Variants in SAFB observed in about 807,000 individuals in gnomAD.
SAFB encodes scaffold attachment factor B.
Under a neutral mutation model 101.6 loss-of-function variants are expected in SAFB, and 15 were observed. The observed-to-expected ratio is 0.15, with a 90% CI of 0.10 to 0.23. SAFB has a LOEUF of 0.23. Among genes scored for constraint, SAFB ranks in the 10% least tolerant of loss-of-function variants. The probability of loss-of-function intolerance (pLI) is 1.00; values close to 1 mark genes in which losing one functional copy is unlikely to be tolerated. For synonymous variants in SAFB, 449 were observed against 407.5 expected (o/e 1.10, Z -1.23); for missense variants, 930 against 1,104.1 (o/e 0.84, Z 2.23).
At chr19:5,646,870 A>G (rs1490453953) in intron 5 of SAFB, among the ~76,000 whole-genome samples, 1 of 152,168 alleles carries the variant, frequency 6.6e-6, no homozygotes, top group East Asian at 1.9e-4. Flanking sequence ...GCAGACTCAC[A>G]CTCATACACG....
Position 5,655,389 on chromosome 19 carries a change from G to A in SAFB, c.1755+933G>A, listed in dbSNP as rs147527373. Among the ~76,000 whole-genome samples, 425 of 151,316 alleles carry A rather than the reference G, an allele frequency of 2.8e-3. 3 individuals carry two copies. The highest frequency in any genetic ancestry group is 9.6e-3 in the African/African-American group (396 of 41,192). On this transcript the variant is annotated intron_variant, in intron 13 of 20. Coordinates refer to ENST00000588852, the MANE Select transcript of SAFB (RefSeq NM_001201338.2). The stretch of plus-strand genomic sequence containing the variant: ...GGGAGAATGCCACTTAAACCTGGGA[G>A]GTCAAGACTGTAGTGAGCCACGTTC...
chr19:5,638,575 G>T (rs867809201), intron 2 of SAFB, among the ~76,000 whole-genome samples: 1 of 151,746 alleles, frequency 6.6e-6, no homozygotes, highest in South Asian at 2.1e-4. Context: ...CACCCACCTC[G>T]ACCTCCCAAA....
intron 13 of SAFB, among the ~76,000 whole-genome samples, chr19:5,656,608 G>A (rs1034245270): frequency 2.2e-5 from 3 of 133,704 alleles, no homozygotes; most frequent in African/African-American, 8.6e-5. Flanking sequence ...TCAGAGTATC[G>A]CTCTGTCGCC....
intron 2 of SAFB, among the ~76,000 whole-genome samples, chr19:5,636,270 T>C (rs2053593679): frequency 6.6e-6 from 1 of 152,072 alleles, no homozygotes; most frequent in Non-Finnish European, 1.5e-5. Context: ...AGATTTTTCC[T>C]ATTATCTGGA....
At chr19:5,651,858 A>G (rs1207537041) in intron 9 of SAFB, among the ~76,000 whole-genome samples, 2 of 152,210 alleles carry the variant, frequency 1.3e-5, no homozygotes, top group African/African-American at 4.8e-5. Flanking sequence ...TGCAATATAG[A>G]AAACCAAGTG....
Position 5,667,272 on chromosome 19 carries a change from C to T in SAFB, c.2454-75C>T. ...TGGGAAACACAGAGGGATTCACTCT[C>T]CAGAAGCCGCCACAGTTATTAGCAC... On this transcript the variant is annotated intron_variant, in intron 18 of 20. Coordinates refer to ENST00000588852, the MANE Select transcript of SAFB (RefSeq NM_001201338.2). The surrounding 1 kb of genome is among the most constrained non-coding windows in gnomAD (Gnocchi z 4.0). 1.5e-6 allele frequency: 2 copies of T among 1,305,008 alleles called. No individual in the cohort carries two copies. The highest frequency in any genetic ancestry group is 2.8e-5 in the Admixed American group (1 of 35,526). The allele number at this position is 1,305,008 out of a possible 1,614,324, so 80.8% of individuals were successfully genotyped here. A position where few individuals can be genotyped will look rare whatever the true frequency, so the allele number is the denominator to read the frequency against.
rs778663829 is a variant in SAFB, at chr19:5,661,808, G to A, written c.2153G>A (p.Arg718Gln). The A allele has an allele frequency of 1.2e-5, 19 of 1,539,906 alleles. No homozygotes were observed. Among genetic ancestry groups the A allele is most frequent in the Admixed American group, 3.9e-5 (2 of 50,814 alleles). ...GTGCGGCGGCCCTACGACCTGGACC[G>A]GTAAGCAGATCCATGCTGCCCTTAG... ...PAVRRPYDLDRRDDAYWPEAK... is the reference protein window; with the variant it reads ...PAVRRPYDLDQRDDAYWPEAK... Residue 718 changes from arginine to glutamine, a missense_variant and splice_region_variant, in exon 15 of 21, where the codon CGG (arginine) becomes CAG (glutamine). Physicochemically the swap from Arg to Gln is conservative, Grantham distance 43. This residue lies in a region of SAFB where 318 missense variants were observed against 342.6 expected (regional missense o/e 0.93). Coordinates refer to ENST00000588852, the MANE Select transcript of SAFB (RefSeq NM_001201338.2).
intron 2 of SAFB, among the ~76,000 whole-genome samples, chr19:5,626,893 T>A (rs557336623): frequency 6.6e-6 from 1 of 151,688 alleles, no homozygotes; most frequent in African/African-American, 2.4e-5. Flanking sequence ...AAAAAACTTT[T>A]AAAGGCCCGG....
At chr19:5,655,635 C>T (rs1368452709) in intron 13 of SAFB, among the ~76,000 whole-genome samples, 1 of 152,090 alleles carries the variant, frequency 6.6e-6, no homozygotes, top group Non-Finnish European at 1.5e-5. Context: ...ACCTTGGACC[C>T]GCCTGGTCAA....
intron 15 of SAFB, among the ~76,000 whole-genome samples, chr19:5,662,570 C>T (rs2054237997): frequency 6.6e-6 from 1 of 151,822 alleles, no homozygotes; most frequent in African/African-American, 2.4e-5. Flanking sequence ...TGGCACAGAC[C>T]TCCTGAGGAG....
chr19:5,642,651 C>CTTTTTTTT lies in SAFB; in HGVS notation c.546+724_546+731dup, dbSNP rs767488519. The stretch of plus-strand genomic sequence containing the variant: ...GGCATTGGCATTATGCCCTTCCTTT[C>CTTTTTTTT]TTTTTTTTTTTTTTTTTTTTTTTTT... On this transcript the variant is annotated intron_variant, in intron 4 of 20. Coordinates refer to ENST00000588852, the MANE Select transcript of SAFB (RefSeq NM_001201338.2). Among the ~76,000 whole-genome samples, 428 of 70,848 alleles carry CTTTTTTTT rather than the reference C, an allele frequency of 6.0e-3. 71 individuals carry two copies. Among genetic ancestry groups the CTTTTTTTT allele is most frequent in the East Asian group, 0.051 (88 of 1,710 alleles). 46.5% of individuals were successfully genotyped at this position (70,848 alleles called of 152,430 possible).
intron 6 of SAFB, 48 bp downstream of exon 6, chr19:5,648,091 GT>G: frequency 6.9e-7 from 1 of 1,450,288 alleles, no homozygotes; most frequent in Non-Finnish European, 9.6e-7. Flanking sequence ...AACCATTCTA[GT>G]TTTCCACCTT....
chr19:5,631,472 A>G (rs2053488729), intron 2 of SAFB, among the ~76,000 whole-genome samples: 1 of 152,102 alleles, frequency 6.6e-6, no homozygotes, highest in Admixed American at 6.5e-5. Context: ...TTCTTGAATT[A>G]TTTTCAACTA....
chr19:5,649,842 G>C, intron 7 of SAFB, 84 bp from the exon 8 acceptor site: 1 of 1,249,896 alleles, frequency 8.0e-7, no homozygotes, highest in Non-Finnish European at 1.2e-6. Flanking sequence ...GGGTAGGTAT[G>C]CAACCTCAGC....
intron 2 of SAFB, among the ~76,000 whole-genome samples, chr19:5,631,650 C>G (rs1322908064): frequency 6.6e-6 from 1 of 152,104 alleles, no homozygotes; most frequent in Admixed American, 6.5e-5. Flanking sequence ...AGCACTTGGC[C>G]AAAACAGAAT....
intron 4 of SAFB, among the ~76,000 whole-genome samples, chr19:5,642,849 G>C (rs940117474): frequency 6.6e-6 from 1 of 151,716 alleles, no homozygotes; most frequent in Non-Finnish European, 1.5e-5. Context: ...TGTATCTTTA[G>C]TAGAGACGGT....
At chr19:5,662,595 G>T (rs75301272) in intron 15 of SAFB, among the ~76,000 whole-genome samples, 3 of 151,568 alleles carry the variant, frequency 2.0e-5, no homozygotes, top group African/African-American at 7.3e-5. Context: ...GCTCAGGCAC[G>T]TAGAGAGCGC....
chr19:5,667,465 TG>T lies in SAFB; in HGVS notation c.2557+18del. 1 of 1,494,052 alleles carries T rather than the reference TG, an allele frequency of 6.7e-7. No individual in the cohort carries two copies. The highest frequency in any genetic ancestry group is 9.0e-7 in the Non-Finnish European group (1 of 1,115,660). The allele number at this position is 1,494,052 out of a possible 1,614,324, so 92.5% of individuals were successfully genotyped here. The stretch of plus-strand genomic sequence containing the variant: ...GAGGTGGCAAGGTGAGGAGCAGCTC[TG>T]GGCTGGGACCAGGATGTGCTGGGGA... On this transcript the variant is annotated intron_variant, in intron 19 of 20. Coordinates refer to ENST00000588852, the MANE Select transcript of SAFB (RefSeq NM_001201338.2). The surrounding 1 kb of genome is among the most constrained non-coding windows in gnomAD (Gnocchi z 4.0).
chr19:5,645,797 G>T (rs937350684), intron 5 of SAFB, among the ~76,000 whole-genome samples: 1 of 152,154 alleles, frequency 6.6e-6, no homozygotes, highest in Non-Finnish European at 1.5e-5. Flanking sequence ...GCCCAGATGG[G>T]GATTGAGGGT....
Sources: gnomAD v4.1 joint callset for allele counts (sites outside exome capture counted in the v4.1 genomes callset) on GRCh38, gnomAD v4.1.1 for gene constraint, gnomAD v4.1.1 regional missense constraint, Gnocchi (gnomAD v3.1) non-coding constraint, MANE v1.5 for transcripts, NCBI Gene and HGNC (gene_info 2026-07-23, HGNC 2026-07-21) for gene names.